C5orf24: variants seen among roughly 807,000 people sequenced by gnomAD.
C5orf24 encodes the protein UPF0461 protein C5orf24.
C5orf24 carries 4 observed loss-of-function variants against 9.8 expected under a neutral mutation model. The observed-to-expected ratio is 0.41, with a 90% CI of 0.20 to 0.93. C5orf24 has a LOEUF of 0.93. C5orf24 is among the 40% of genes least tolerant of loss of function. The pLI is 0.33. For missense variants in C5orf24, 170 were observed against 236.9 expected (o/e 0.72, Z 1.85); for synonymous variants, 73 against 81.3 (o/e 0.90, Z 0.55).
chr5:134,857,561 G>A lies in C5orf24; in HGVS notation c.*2094G>A. On this transcript the variant is annotated 3_prime_UTR_variant, in exon 2 of 2. Coordinates refer to ENST00000394976, the MANE Select transcript of C5orf24 (RefSeq NM_001135586.1). ...GTTACATAATCAGTTATAACATTCT[G>A]GCAGCTAAATTGCTACAAGAGCTTT... 1 of 936,420 alleles carries A rather than the reference G, an allele frequency of 1.1e-6. No homozygotes were observed. Among genetic ancestry groups the A allele is most frequent in the Non-Finnish European group, 1.4e-6 (1 of 694,284 alleles). 58.0% of individuals were successfully genotyped at this position (936,420 alleles called of 1,614,324 possible). A position where few individuals can be genotyped will look rare whatever the true frequency, so the allele number is the denominator to read the frequency against.
At chr5:134,838,241 T>A in the C5orf24 span, among the ~76,000 whole-genome samples, 1 of 152,236 alleles carries the variant, frequency 6.6e-6, no homozygotes, top group Non-Finnish European at 1.5e-5. Context: ...GCCTATGTGA[T>A]ATGGCCTACC....
In C5orf24 at chr5:134,857,093, T is replaced by C; in HGVS notation, c.*1626T>C. 8.5e-7 allele frequency: 1 copy of C among 1,183,386 alleles called. No homozygotes were observed. Among genetic ancestry groups the C allele is most frequent in the Non-Finnish European group, 1.1e-6 (1 of 943,350 alleles). The allele number at this position is 1,183,386 out of a possible 1,614,324, so 73.3% of individuals were successfully genotyped here. A position where few individuals can be genotyped will look rare whatever the true frequency, so the allele number is the denominator to read the frequency against. On this transcript the variant is annotated 3_prime_UTR_variant, in exon 2 of 2. Transcript: ENST00000394976. ...TTCTTTCCTTTCTGAAAGTAATACTTCTTGTTACACATTTTATTTATTGAG... is the reference window on the plus strand; with the variant it reads ...TTCTTTCCTTTCTGAAAGTAATACTCCTTGTTACACATTTTATTTATTGAG...
At chr5:134,847,993 GC>G (rs1756043569) in intron 1 of C5orf24, among the ~76,000 whole-genome samples, 1 of 152,186 alleles carries the variant, frequency 6.6e-6, no homozygotes, top group African/African-American at 2.4e-5. Context: ...CTGAGCCACC[GC>G]GCCGGACCAT....
At chr5:134,852,896 T>C (rs891106004) in intron 1 of C5orf24, among the ~76,000 whole-genome samples, 1 of 152,154 alleles carries the variant, frequency 6.6e-6, no homozygotes, top group African/African-American at 2.4e-5. Flanking sequence ...CCGGGCACGG[T>C]GGCTCACACC....
At chr5:134,846,515 G>A (rs1410743425) in intron 1 of C5orf24, 1 of 152,254 alleles carries the variant, frequency 6.6e-6, no homozygotes, top group Non-Finnish European at 1.5e-5. Flanking sequence ...GCGATGGAGT[G>A]CCCGTGGACT....
chr5:134,857,126 TAAATA>T lies in C5orf24; in HGVS notation c.*1665_*1669del. On this transcript the variant is annotated 3_prime_UTR_variant, in exon 2 of 2. Transcript: ENST00000394976. Reference sequence around the variant, plus strand: ...CACATTTTATTTATTGAGTTTGTTCTAAATAAAATATTATAAACTTCAGACTTGAA... The same window carrying T: ...CACATTTTATTTATTGAGTTTGTTCTAAATATTATAAACTTCAGACTTGAA... The T allele has an allele frequency of 7.9e-7, 1 of 1,268,966 alleles. No individual in the cohort carries two copies. The highest frequency in any genetic ancestry group is 1.5e-5 in the African/African-American group (1 of 65,556). The allele number at this position is 1,268,966 out of a possible 1,614,324, so 78.6% of individuals were successfully genotyped here.
At chr5:134,849,726 C>A (rs1007772563) in intron 1 of C5orf24, among the ~76,000 whole-genome samples, 1 of 135,290 alleles carries the variant, frequency 7.4e-6, no homozygotes, top group African/African-American at 2.7e-5. Flanking sequence ...GGTGTGATCT[C>A]AGCTCACTGC....
intron 1 of C5orf24, among the ~76,000 whole-genome samples, chr5:134,851,602 C>A (rs1205305553): frequency 6.6e-6 from 1 of 152,022 alleles, no homozygotes; most frequent in African/African-American, 2.4e-5. Context: ...ATTATCTGAC[C>A]CAAATGACAG....
intron 1 of C5orf24, among the ~76,000 whole-genome samples, chr5:134,848,494 T>TAAA (rs34413979): frequency 6.1e-4 from 78 of 128,240 alleles, no homozygotes; most frequent in Middle Eastern, 4.2e-3. Context: ...TCGTTTCTAC[T>TAAA]AAAAAAAAAA....
rs1348201333 is a variant in C5orf24, at chr5:134,857,943, A to G, written c.*2476A>G. 3 of 167,032 alleles carry G rather than the reference A, an allele frequency of 1.8e-5. No individual in the cohort carries two copies. The highest frequency in any genetic ancestry group is 3.9e-4 in the East Asian group (2 of 5,188). 10.3% of individuals were successfully genotyped at this position (167,032 alleles called of 1,614,324 possible). On this transcript the variant is annotated 3_prime_UTR_variant, in exon 2 of 2. Transcript: ENST00000394976. ...TCCCTTTCTCCCCTGCCTTTCGTAC[A>G]TTCATTCCTCTTCCTCTACCCTCCA...
chr5:134,857,556 AT>A lies in C5orf24; in HGVS notation c.*2091del, dbSNP rs1264054834. 1.0e-6 allele frequency: 1 copy of A among 968,510 alleles called. No homozygotes were observed. Among genetic ancestry groups the A allele is most frequent in the Non-Finnish European group, 1.4e-6 (1 of 721,092 alleles). The allele number at this position is 968,510 out of a possible 1,614,324, so 60.0% of individuals were successfully genotyped here. ...GGATGGTTACATAATCAGTTATAAC[AT>A]TCTGGCAGCTAAATTGCTACAAGAG... is the stretch of plus-strand genomic sequence containing the variant. On this transcript the variant is annotated 3_prime_UTR_variant, in exon 2 of 2. Transcript: ENST00000394976.
At chr5:134,849,228 C>CT in intron 1 of C5orf24, among the ~76,000 whole-genome samples, 1 of 152,104 alleles carries the variant, frequency 6.6e-6, no homozygotes, top group East Asian at 1.9e-4. Flanking sequence ...GCACTCCAGC[C>CT]TGGGCAACAG....
At chr5:134,837,873 A>C in the C5orf24 span, among the ~76,000 whole-genome samples, 5 of 152,190 alleles carry the variant, frequency 3.3e-5, no homozygotes, top group Non-Finnish European at 7.4e-5. Context: ...CTATATATTT[A>C]GCAGGGACAG....
chr5:134,855,784 A>T lies in C5orf24; in HGVS notation c.*317A>T, dbSNP rs1198626293. ...CTGTTCTAAATAGATGCTTTATGTG[A>T]TAAACAACTGAAACCATTATACCTA... On this transcript the variant is annotated 3_prime_UTR_variant, in exon 2 of 2. Coordinates refer to ENST00000394976, the MANE Select transcript of C5orf24 (RefSeq NM_001135586.1). 1 of 1,198,446 alleles carries T rather than the reference A, an allele frequency of 8.3e-7. No homozygotes were observed. Among genetic ancestry groups the T allele is most frequent in the Non-Finnish European group, 1.0e-6 (1 of 952,676 alleles). 74.2% of individuals were successfully genotyped at this position (1,198,446 alleles called of 1,614,324 possible). A position where few individuals can be genotyped will look rare whatever the true frequency, so the allele number is the denominator to read the frequency against.
In C5orf24 at chr5:134,858,284, G is replaced by A. The variant is rs1756363892; in HGVS notation, c.*2817G>A. 5 of 167,106 alleles carry A rather than the reference G, an allele frequency of 3.0e-5. No homozygotes were observed. In the South Asian group the frequency reaches 1.0e-3, roughly 35 times the overall value. The allele number at this position is 167,106 out of a possible 1,614,324, so 10.4% of individuals were successfully genotyped here. ...TTTTCTCCCTGTGAACAGTTTACCG[G>A]TGCCATGCTGAAGAGAAAGACATCT... On this transcript the variant is annotated 3_prime_UTR_variant, in exon 2 of 2. Transcript: ENST00000394976.
At position 134,856,709 on chromosome 5, in the gene C5orf24, T is replaced by C. The variant is rs1244349797; in HGVS notation, c.*1242T>C. On this transcript the variant is annotated 3_prime_UTR_variant, in exon 2 of 2. Transcript: ENST00000394976. ...ACCATTTATTGATGTTGCTCATTTATTTGGAACGTTTTTAGTTTTTCTCAG... is the reference window on the plus strand; with the variant it reads ...ACCATTTATTGATGTTGCTCATTTACTTGGAACGTTTTTAGTTTTTCTCAG... 1 of 990,276 alleles carries C rather than the reference T, an allele frequency of 1.0e-6. No homozygotes were observed. Among genetic ancestry groups the C allele is most frequent in the African/African-American group, 1.8e-5 (1 of 56,982 alleles). 61.3% of individuals were successfully genotyped at this position (990,276 alleles called of 1,614,324 possible). A position where few individuals can be genotyped will look rare whatever the true frequency, so the allele number is the denominator to read the frequency against.
upstream of C5orf24, among the ~76,000 whole-genome samples, chr5:134,841,904 C>T (rs1366142696): frequency 6.6e-6 from 1 of 152,050 alleles, no homozygotes; most frequent in Admixed American, 6.6e-5. Flanking sequence ...ACTAAATGAG[C>T]ACCTTATAGA....
upstream of C5orf24, among the ~76,000 whole-genome samples, chr5:134,844,528 A>G (rs984017303): frequency 2.6e-5 from 4 of 152,124 alleles, no homozygotes; most frequent in African/African-American, 4.8e-5. Flanking sequence ...TATTTTTTGT[A>G]GAGACAGAAT....
Position 134,858,597 on chromosome 5 carries a change from A to G in C5orf24, c.*3130A>G, listed in dbSNP as rs1485652156. 1.2e-5 allele frequency: 2 copies of G among 167,118 alleles called. No homozygotes were observed. The highest frequency in any genetic ancestry group is 1.3e-4 in the Admixed American group (2 of 15,304). 10.4% of individuals were successfully genotyped at this position (167,118 alleles called of 1,614,324 possible). A position where few individuals can be genotyped will look rare whatever the true frequency, so the allele number is the denominator to read the frequency against. On this transcript the variant is annotated 3_prime_UTR_variant, in exon 2 of 2. Coordinates refer to ENST00000394976, the MANE Select transcript of C5orf24 (RefSeq NM_001135586.1). ...CTATATTTAAACTGTTGGTCAGAAA[A>G]TGATCTGCAATTCAAGTAAGTCTGC... is the stretch of plus-strand genomic sequence containing the variant.
Sources: allele counts gnomAD v4.1 joint callset (sites outside exome capture counted in the v4.1 genomes callset), GRCh38; gene constraint gnomAD v4.1.1; transcripts MANE v1.5; gene names NCBI Gene and HGNC (gene_info 2026-07-23, HGNC 2026-07-21).